The following PARVG variants were observed in gnomAD, a reference collection of about 807,000 sequenced individuals.
PARVG encodes gamma-parvin.
In PARVG, 36 loss-of-function variants were observed where a neutral mutation model predicts 44.4. The ratio of observed to expected loss-of-function variants is 0.81; its 90% confidence interval spans 0.62 to 1.07. The LOEUF is 1.07. Ranked by LOEUF, PARVG falls within the 50% of genes least tolerant of loss-of-function variation. The pLI, the probability that PARVG is intolerant of heterozygous loss-of-function variation, is 0.00. For synonymous variants in PARVG, 170 were observed against 174.1 expected (o/e 0.98, Z 0.19); for missense variants, 407 against 407.4 (o/e 1.00, Z 0.01).
chr22:44,174,024 G>A (rs148551316), intron 1 of PARVG, among the ~76,000 whole-genome samples: 1 of 152,300 alleles, frequency 6.6e-6, no homozygotes, highest in African/African-American at 2.4e-5. Flanking sequence ...CTGAAATGCC[G>A]AGTTTTCAAG....
intron 3 of PARVG, chr22:44,184,866 A>G (rs1162765912): frequency 6.6e-6 from 1 of 152,220 alleles, no homozygotes; most frequent in Non-Finnish European, 1.5e-5. Flanking sequence ...AACAAAACAA[A>G]CAAAAAAACC....
rs147918245 is a variant in PARVG, at chr22:44,198,410, T to C, written c.712-211T>C. Reference sequence around the variant, plus strand: ...CTGCAGTAAGTTTAGAAAGCACTCTTTTCACTGAGCATGTACTATATACCA... The same window carrying C: ...CTGCAGTAAGTTTAGAAAGCACTCTCTTCACTGAGCATGTACTATATACCA... On this transcript the variant is annotated intron_variant, in intron 11 of 13. Transcript: ENST00000444313. 2.3e-3 allele frequency among the ~76,000 whole-genome samples: 352 copies of C among 152,348 alleles called. 2 individuals are homozygous for C. The highest frequency in any genetic ancestry group is 8.3e-3 in the African/African-American group (344 of 41,580).
Position 44,183,301 on chromosome 22 carries a change from C to T in PARVG, c.-12-17C>T. On this transcript the variant is annotated splice_polypyrimidine_tract_variant and intron_variant, in intron 2 of 13. Transcript: ENST00000444313. Reference sequence around the variant, plus strand: ...GCTTCTCAGACCGTGACGCCCTCTCCTGCCTCCTCTGTGCAGGCTTGGGAG... The same window carrying T: ...GCTTCTCAGACCGTGACGCCCTCTCTTGCCTCCTCTGTGCAGGCTTGGGAG... The T allele has an allele frequency of 6.3e-7, 1 of 1,592,228 alleles. No homozygotes were observed. The highest frequency in any genetic ancestry group is 1.2e-5 in the South Asian group (1 of 86,836).
chr22:44,198,997 CTATCTATCCAT>C (rs2054668712), intron 12 of PARVG, among the ~76,000 whole-genome samples: 1 of 109,384 alleles, frequency 9.1e-6, no homozygotes, highest in Non-Finnish European at 2.1e-5. Context: ...CATCATCTAC[CTATCTATCCAT>C]CCCCATCTAC....
upstream of PARVG, among the ~76,000 whole-genome samples, chr22:44,179,728 A>G (rs528411343): frequency 1.9e-4 from 28 of 148,170 alleles, no homozygotes; most frequent in African/African-American, 6.3e-4. The surrounding 1 kb of genome is among the most constrained non-coding windows in gnomAD (Gnocchi z 4.2). Context: ...GTTGCCTGCA[A>G]TTGTTTCTGG....
rs774390996 is a variant in PARVG at position 44,190,567 on chromosome 22, C to T, written c.405C>T (p.Asp135=). 1.9e-6 allele frequency: 3 copies of T among 1,613,998 alleles called. No homozygotes were observed. Among genetic ancestry groups the T allele is most frequent in the African/African-American group, 1.3e-5 (1 of 74,926 alleles). ...TCTTCCCAGGCATCTTCAACAAGGA[C>T]CTGTTGTCTACCCTGCACCTCCTTG... ...KWSVESIFNK[D]LLSTLHLLVA... Residue 135 remains aspartate, a synonymous_variant, in exon 7 of 14, where the codon GAC becomes GAT. Coordinates refer to ENST00000444313, the MANE Select transcript of PARVG (RefSeq NM_022141.7).
intron 12 of PARVG, 114 bp downstream of exon 12, chr22:44,198,836 G>A (rs1236771324): frequency 1.9e-5 from 15 of 806,168 alleles, no homozygotes; most frequent in Non-Finnish European, 2.9e-5. Flanking sequence ...TGTAGGGGAA[G>A]CTTATTTGTC....
At position 44,204,255 on chromosome 22, in the gene PARVG, C is replaced by T. The variant is rs139176; in HGVS notation, c.814-1502C>T. 4.5e-3 allele frequency among the ~76,000 whole-genome samples: 677 copies of T among 152,130 alleles called. 1 individual carries two copies. Among genetic ancestry groups the T allele is most frequent in the Middle Eastern group, 0.014 (4 of 294 alleles). On this transcript the variant is annotated intron_variant, in intron 12 of 13. Transcript: ENST00000444313. ...CCCGCCCTCCATCTTCATGTCCCCA[C>T]GTGGAGAAGGACTCTGCTCACCCAC...
At chr22:44,206,119 G>A (rs543020412) in intron 13 of PARVG, among the ~76,000 whole-genome samples, 198 bp from the exon 14 acceptor site, 60 of 152,244 alleles carry the variant, frequency 3.9e-4, no homozygotes, top group African/African-American at 1.4e-3. Context: ...GCATTCAGAG[G>A]AGGACTGGCC....
At chr22:44,177,659 TTCC>T (rs1038259965), upstream of PARVG, among the ~76,000 whole-genome samples, 16 of 152,172 alleles carry the variant, frequency 1.1e-4, no homozygotes, top group African/African-American at 3.9e-4. Flanking sequence ...AAGTGATGTG[TTCC>T]TCTCAGCGCA....
Position 44,206,957 on chromosome 22 carries a change from G to A in PARVG, c.*531G>A, listed in dbSNP as rs2147244234. ...CATGCCCCCACCCACCGGGAGAAGT[G>A]GATTCAGTGACTGTCAAAGCAACCC... On this transcript the variant is annotated 3_prime_UTR_variant, in exon 14 of 14. Coordinates refer to ENST00000444313, the MANE Select transcript of PARVG (RefSeq NM_022141.7). 6.3e-6 allele frequency: 1 copy of A among 158,748 alleles called. No homozygotes were observed. The highest frequency in any genetic ancestry group is 2.4e-5 in the African/African-American group (1 of 41,564). 9.8% of individuals were successfully genotyped at this position (158,748 alleles called of 1,614,324 possible).
chr22:44,188,261 G>A, intron 5 of PARVG: 1 of 218,248 alleles, frequency 4.6e-6, no homozygotes, highest in Non-Finnish European at 9.4e-6. Flanking sequence ...GTGGCTGGGG[G>A]CAGGGCTGGG....
chr22:44,186,463 C>T (rs1032578896), intron 4 of PARVG: 2 of 434,836 alleles, frequency 4.6e-6, no homozygotes, highest in African/African-American at 4.0e-5. Flanking sequence ...TTGCCTCCTC[C>T]AGGGAGGCCT....
Position 44,206,355 on chromosome 22 carries a change from C to G in PARVG, c.925C>G (p.Leu309Val). ...NKDAKSTLRVLYGLFCKHTQK... is the reference protein window; with the variant it reads ...NKDAKSTLRVVYGLFCKHTQK... ...GGATGCCAAGAGCACACTGAGGGTG[C>G]TCTATGGTCTGTTCTGCAAGCACAC... The change falls in exon 14 of 14, where the codon CTC (leucine) becomes GTC (valine). Residue 309 changes from leucine to valine, a missense_variant. Transcript: ENST00000444313. The G allele has an allele frequency of 6.2e-7, 1 of 1,613,974 alleles. No homozygotes were observed. The highest frequency in any genetic ancestry group is 1.1e-5 in the South Asian group (1 of 91,078).
chr22:44,207,892 C>T lies in PARVG; in HGVS notation c.*1466C>T, dbSNP rs2054801242. 1 of 152,410 alleles carries T rather than the reference C, an allele frequency of 6.6e-6. No homozygotes were observed. The highest frequency in any genetic ancestry group is 1.5e-5 in the Non-Finnish European group (1 of 68,196). 9.4% of individuals were successfully genotyped at this position (152,410 alleles called of 1,614,324 possible). A position where few individuals can be genotyped will look rare whatever the true frequency, so the allele number is the denominator to read the frequency against. Reference sequence around the variant, plus strand: ...ATGCACCCCTCTTCATGGATACCCACCCTACTTCCCGGCTGCCTCTGGGAA... The same window carrying T: ...ATGCACCCCTCTTCATGGATACCCATCCTACTTCCCGGCTGCCTCTGGGAA... On this transcript the variant is annotated 3_prime_UTR_variant, in exon 14 of 14. Transcript: ENST00000444313.
At chr22:44,205,002 G>A (rs2054760518) in intron 12 of PARVG, among the ~76,000 whole-genome samples, 1 of 152,176 alleles carries the variant, frequency 6.6e-6, no homozygotes, top group Non-Finnish European at 1.5e-5. Flanking sequence ...GAACTGTGGT[G>A]AGCCCACTTT....
At chr22:44,181,704 A>T in intron 1 of PARVG, 38 bp from the exon 2 acceptor site, 1 of 985,102 alleles carries the variant, frequency 1.0e-6, no homozygotes, top group South Asian at 4.7e-5. Context: ...TGGCAGCTTC[A>T]CTTTCACGGC....
intron 8 of PARVG, 122 bp from the exon 9 acceptor site, chr22:44,193,679 C>G: frequency 7.7e-7 from 1 of 1,298,666 alleles, no homozygotes; most frequent in Non-Finnish European, 1.1e-6. Flanking sequence ...GCCAGGAAAA[C>G]CACAAGCATG....
At chr22:44,193,524 TCTCC>T (rs1484794073) in intron 8 of PARVG, among the ~76,000 whole-genome samples, 3 of 152,082 alleles carry the variant, frequency 2.0e-5, no homozygotes, top group Non-Finnish European at 2.9e-5. Context: ...GTGTGATGTA[TCTCC>T]CTCAGAACAG....
Sources: allele counts gnomAD v4.1 joint callset (sites outside exome capture counted in the v4.1 genomes callset), GRCh38; gene constraint gnomAD v4.1.1; non-coding constraint Gnocchi (gnomAD v3.1); transcripts MANE v1.5; gene names NCBI Gene and HGNC (gene_info 2026-07-23, HGNC 2026-07-21).